FER: variants seen among roughly 807,000 people sequenced by gnomAD.
FER encodes the protein tyrosine-protein kinase Fer.
In FER, 63 loss-of-function variants were observed where a neutral mutation model predicts 111.0. That is an observed-to-expected ratio of 0.57 (90% CI 0.46 to 0.70). The LOEUF (loss-of-function observed/expected upper bound fraction) is 0.70, where lower values mean the gene tolerates loss of function less well. Among genes scored for constraint, FER ranks in the 30% least tolerant of loss-of-function variants. The pLI is 0.00. For missense variants in FER, 914 were observed against 954.0 expected, an observed-to-expected ratio of 0.96 and a Z score of 0.55; for synonymous variants, 327 against 313.9, an observed-to-expected ratio of 1.04 and a Z score of -0.44.
chr5:108,769,043 T>C (rs1318669793), intron 2 of FER, among the ~76,000 whole-genome samples: 1 of 152,118 alleles, frequency 6.6e-6, no homozygotes, highest in East Asian at 1.9e-4. Flanking sequence ...GCCAGGCTCT[T>C]CTCAAACTCC....
chr5:108,760,330 A>G lies in FER; in HGVS notation c.-205-7763A>G, dbSNP rs6882114. On this transcript the variant is annotated intron_variant, in intron 1 of 19. Transcript: ENST00000281092. The stretch of plus-strand genomic sequence containing the variant: ...GACTCTGCAATATTTAGAATGGGCA[A>G]TGAGCATTGGGTTCAACTTAAAGTC... 5.8e-3 allele frequency among the ~76,000 whole-genome samples: 890 copies of G among 152,300 alleles called. 13 individuals are homozygous for G. Among genetic ancestry groups the G allele is most frequent in the African/African-American group, 0.021 (853 of 41,568 alleles).
rs147373580 is a variant in FER at position 109,058,654 on chromosome 5, G to A, written c.1924+11456G>A. Among the ~76,000 whole-genome samples the A allele has an allele frequency of 8.2e-5, 12 of 146,262 alleles. No homozygotes were observed. In the East Asian group the frequency reaches 2.4e-3, roughly 29 times the overall value. On this transcript the variant is annotated intron_variant, in intron 16 of 19. Transcript: ENST00000281092. Reference sequence around the variant, plus strand: ...ACTTTCTAATATTATCATGAAAATAGGGCCAAAATAACAATTTGAAAAATG... The same window carrying A: ...ACTTTCTAATATTATCATGAAAATAAGGCCAAAATAACAATTTGAAAAATG...
chr5:108,775,980 C>T lies in FER; in HGVS notation c.-60+7742C>T, dbSNP rs571310710. ...GGCAGCTTAATATTTTATTCAAACACAGTCACTCTATTTGTGACTTCTAAC... is the reference window on the plus strand; with the variant it reads ...GGCAGCTTAATATTTTATTCAAACATAGTCACTCTATTTGTGACTTCTAAC... On this transcript the variant is annotated intron_variant, in intron 2 of 19. Coordinates refer to ENST00000281092, the MANE Select transcript of FER (RefSeq NM_005246.4). 1.9e-4 allele frequency among the ~76,000 whole-genome samples: 29 copies of T among 152,278 alleles called. No homozygotes were observed. In the South Asian group the frequency reaches 6.0e-3, roughly 32 times the overall value.
intron 1 of FER, among the ~76,000 whole-genome samples, chr5:108,764,839 G>A (rs572768315): frequency 7.2e-5 from 11 of 152,312 alleles, no homozygotes; most frequent in African/African-American, 2.4e-4. Flanking sequence ...GGAAAGAGAA[G>A]TAGAGCCAGG....
intron 13 of FER, among the ~76,000 whole-genome samples, chr5:108,971,816 T>C (rs1175833967): frequency 2.6e-5 from 4 of 152,064 alleles, no homozygotes; most frequent in Admixed American, 6.5e-5. Context: ...CAACTCAGAA[T>C]ATCAAGGGTT....
At chr5:109,065,551 C>T (rs1478156768) in intron 16 of FER, among the ~76,000 whole-genome samples, 1 of 152,106 alleles carries the variant, frequency 6.6e-6, no homozygotes, top group African/African-American at 2.4e-5. Context: ...GAAGCTTATG[C>T]ATTAATATTA....
Position 108,775,875 on chromosome 5 carries a change from T to A in FER, c.-60+7637T>A, listed in dbSNP as rs549936134. On this transcript the variant is annotated intron_variant, in intron 2 of 19. Coordinates refer to ENST00000281092, the MANE Select transcript of FER (RefSeq NM_005246.4). Reference sequence around the variant, plus strand: ...AGTGCTTCTGAAAAAAGACCTCGCTTTGTATTCATGTGAGGTTAGTTTTTT... The same window carrying A: ...AGTGCTTCTGAAAAAAGACCTCGCTATGTATTCATGTGAGGTTAGTTTTTT... 2.0e-5 allele frequency among the ~76,000 whole-genome samples: 3 copies of A among 152,314 alleles called. No homozygotes were observed. In the East Asian group the frequency reaches 5.8e-4, roughly 29 times the overall value.
chr5:108,933,443 A>G (rs1026876080), intron 10 of FER, among the ~76,000 whole-genome samples: 4 of 151,070 alleles, frequency 2.6e-5, no homozygotes, highest in African/African-American at 7.3e-5. Context: ...GTTCTGTTTC[A>G]TTGGTCTATA....
intron 5 of FER, among the ~76,000 whole-genome samples, chr5:108,859,758 C>T (rs1763329247): frequency 6.6e-6 from 1 of 151,994 alleles, no homozygotes; most frequent in Non-Finnish European, 1.5e-5. Context: ...AGTTTGAGAA[C>T]TTGCTCTTTA....
intron 2 of FER, chr5:108,785,429 A>G: frequency 3.4e-6 from 2 of 582,948 alleles, no homozygotes; most frequent in Non-Finnish European, 6.8e-6. Context: ...AGAAGTTATT[A>G]GTACTGGCAG....
chr5:108,989,117 T>A (rs1762887843), intron 13 of FER, among the ~76,000 whole-genome samples: 1 of 152,142 alleles, frequency 6.6e-6, no homozygotes, highest in Non-Finnish European at 1.5e-5. Context: ...TTTCCAATTT[T>A]ATTTTACTGT....
intron 3 of FER, among the ~76,000 whole-genome samples, chr5:108,823,416 C>T (rs1250530022): frequency 6.6e-6 from 1 of 152,182 alleles, no homozygotes. Context: ...TATAGTGCTC[C>T]TTTTCTTCAC....
chr5:109,034,089 C>T (rs933169840), intron 13 of FER, among the ~76,000 whole-genome samples: 2 of 152,106 alleles, frequency 1.3e-5, no homozygotes, highest in Non-Finnish European at 2.9e-5. Context: ...GAAACTTACT[C>T]CTCCCATCTA....
At chr5:108,976,362 ACTT>A (rs1761337839) in intron 13 of FER, among the ~76,000 whole-genome samples, 1 of 152,158 alleles carries the variant, frequency 6.6e-6, no homozygotes, top group Admixed American at 6.5e-5. Flanking sequence ...AACTTATGAT[ACTT>A]CTTTTGCTTT....
chr5:108,832,915 A>T lies in FER; in HGVS notation c.353A>T (p.His118Leu). 6.3e-7 allele frequency: 1 copy of T among 1,598,778 alleles called. No homozygotes were observed. The highest frequency in any genetic ancestry group is 8.5e-7 in the Non-Finnish European group (1 of 1,173,036). ...GTGAAGAAAAGTTACATAGGTGTTC[A>T]TCAGCAGATAGAGGCAGAGATGATC... ...QQVKKSYIGV[H>L]QQIEAEMIKV... Residue 118 changes from histidine (H) to leucine (L), a missense_variant, in exon 4 of 20, where the codon CAT (histidine) becomes CTT (leucine). Physicochemically the swap from His to Leu is moderately conservative, Grantham distance 99. Transcript: ENST00000281092.
chr5:108,805,482 A>G (rs1025434581), intron 3 of FER, among the ~76,000 whole-genome samples: 2 of 152,230 alleles, frequency 1.3e-5, no homozygotes, highest in East Asian at 3.8e-4. Flanking sequence ...GGTAACAGGC[A>G]GAGGTTGGAA....
chr5:109,012,086 G>C (rs368933417), intron 13 of FER, among the ~76,000 whole-genome samples: 2 of 152,150 alleles, frequency 1.3e-5, no homozygotes, highest in African/African-American at 4.8e-5. Context: ...TGCATTCGCC[G>C]CACTCTTTGG....
At chr5:109,169,189 G>A (rs187632930) in intron 17 of FER, among the ~76,000 whole-genome samples, 1 of 152,178 alleles carries the variant, frequency 6.6e-6, no homozygotes, top group African/African-American at 2.4e-5. Flanking sequence ...CCTTTATCTT[G>A]TAGAGCTACA....
intron 13 of FER, among the ~76,000 whole-genome samples, chr5:108,960,293 G>A (rs144511540): frequency 7.9e-5 from 12 of 152,100 alleles, no homozygotes; most frequent in African/African-American, 2.9e-4. Context: ...ATCTATATTT[G>A]TACTTTTATT....
Sources: allele counts gnomAD v4.1 joint callset (sites outside exome capture counted in the v4.1 genomes callset), GRCh38; gene constraint gnomAD v4.1.1; transcripts MANE v1.5; gene names NCBI Gene and HGNC (gene_info 2026-07-23, HGNC 2026-07-21).